The following USP26 variants were observed in gnomAD, a reference collection of about 807,000 sequenced individuals.
The protein encoded by USP26 is ubiquitin carboxyl-terminal hydrolase 26.
For missense variants in USP26, 649 were observed against 642.3 expected, an observed-to-expected ratio of 1.01 and a Z score of -0.11; for synonymous variants, 236 against 240.6, an observed-to-expected ratio of 0.98 and a Z score of 0.18.
intron 5 of USP26, among the ~76,000 whole-genome samples, chrX:133,032,208 A>AAACC (rs2067379920): frequency 1.8e-5 from 2 of 111,340 alleles, no homozygotes; most frequent in Non-Finnish European, 3.8e-5. Flanking sequence ...CCAAACAAAC[A>AAACC]AACAAAAACC....
chrX:133,063,386 A>T (rs899698003), intron 5 of USP26, among the ~76,000 whole-genome samples: 1 of 111,271 alleles, frequency 9.0e-6, no homozygotes, highest in Non-Finnish European at 1.9e-5. Flanking sequence ...GAACACCACT[A>T]AGATATTCCT....
chrX:133,079,391 G>A (rs1283209516), intron 5 of USP26, among the ~76,000 whole-genome samples: 5 of 112,027 alleles, frequency 4.5e-5, no homozygotes, highest in East Asian at 2.8e-4. Context: ...TTAAGGAAAC[G>A]AAAGTTCAGA....
chrX:133,033,627 T>C (rs1242141377), intron 5 of USP26, among the ~76,000 whole-genome samples: 2 of 112,778 alleles, frequency 1.8e-5, no homozygotes, highest in African/African-American at 3.2e-5. Flanking sequence ...AGAAAGCATG[T>C]ATTTGTTACA....
intron 5 of USP26, among the ~76,000 whole-genome samples, chrX:133,046,638 A>T (rs2067441551): frequency 9.0e-6 from 1 of 110,773 alleles, no homozygotes; most frequent in South Asian, 3.9e-4. Context: ...GAGACGAGAG[A>T]GAGAGAGAGA....
chrX:133,048,322 T>C (rs923216586), intron 5 of USP26, among the ~76,000 whole-genome samples: 12 of 112,121 alleles, frequency 1.1e-4, no homozygotes, highest in Admixed American at 4.7e-4. Flanking sequence ...TTGGTTTGGA[T>C]ATGACATGCA....
At chrX:133,044,975 G>A (rs896565435) in intron 5 of USP26, among the ~76,000 whole-genome samples, 1 of 90,445 alleles carries the variant, frequency 1.1e-5, no homozygotes, top group East Asian at 3.5e-4. Flanking sequence ...ATCTGGTGGG[G>A]ACTTGGAGAA....
chrX:133,059,315 G>A lies in USP26; in HGVS notation c.-77+24392C>T, dbSNP rs143551622. 4.0e-3 allele frequency among the ~76,000 whole-genome samples: 450 copies of A among 111,405 alleles called. 2 individuals are homozygous for A. The highest frequency in any genetic ancestry group is 6.2e-3 in the Non-Finnish European group (329 of 53,120). On this transcript the variant is annotated intron_variant, in intron 5 of 5. Coordinates refer to ENST00000511190, the MANE Select transcript of USP26 (RefSeq NM_031907.3). ...ATGATAACACACATAGCAGTTAAGA[G>A]CAACTGCTCTATTGTTCCAATGCCT...
chrX:133,087,052 A>G (rs2148537812), intron 4 of USP26, among the ~76,000 whole-genome samples: 1 of 111,377 alleles, frequency 9.0e-6, no homozygotes, highest in Admixed American at 9.6e-5. Context: ...AAAGGTATAG[A>G]TAGCTCACCT....
Position 133,027,905 on chromosome X carries a change from C to A in USP26, c.316G>T (p.Val106Phe), listed in dbSNP as rs147700254. Residue 106 changes from valine to phenylalanine, a missense_variant, in exon 6 of 6, where the codon GTT becomes TTT. By Grantham distance (50) the Val-to-Phe change is conservative. Coordinates refer to ENST00000511190, the MANE Select transcript of USP26 (RefSeq NM_031907.3). Reference sequence around the variant, plus strand: ...TTACCAGGTCTCACAGGTGGCTGAACCTCGTTTTGATGAACTCTGTCCAAG... The same window carrying A: ...TTACCAGGTCTCACAGGTGGCTGAAACTCGTTTTGATGAACTCTGTCCAAG... Reference protein sequence around the residue: ...IFLDRVHQNEVQPPVRPGKGG... With the variant: ...IFLDRVHQNEFQPPVRPGKGG... 109 of 1,208,889 alleles carry A rather than the reference C, an allele frequency of 9.0e-5. No homozygotes were observed. Among genetic ancestry groups the A allele is most frequent in the Middle Eastern group, 2.3e-4 (1 of 4,364 alleles).
chrX:133,027,466 A>G lies in USP26; in HGVS notation c.755T>C (p.Ile252Thr), dbSNP rs772446121. 7 of 1,208,468 alleles carry G rather than the reference A, an allele frequency of 5.8e-6. No individual in the cohort carries two copies. The South Asian group carries it at 7.0e-5, about 12-fold the overall frequency. Reference protein sequence around the residue: ...NATGNPYLDDIGLLQALTEKM... With the variant: ...NATGNPYLDDTGLLQALTEKM... The stretch of plus-strand genomic sequence containing the variant: ...CTCAGTGAGAGCTTGGAGAAGACCA[A>G]TGTCATCTAGGTAAGGATTTCCAGT... The change falls in exon 6 of 6, where the codon ATT becomes ACT. Residue 252 changes from isoleucine (I) to threonine (T), a missense_variant. Ile to Thr is a moderately conservative substitution (Grantham distance 89). Transcript: ENST00000511190.
At chrX:133,083,151 G>A (rs1410558347) in intron 5 of USP26, among the ~76,000 whole-genome samples, 1 of 111,780 alleles carries the variant, frequency 8.9e-6, no homozygotes, top group African/African-American at 3.3e-5. Context: ...AGACTCAGAT[G>A]GGAAACAAGT....
At chrX:133,093,240 T>C (rs1289021902) in intron 1 of USP26, among the ~76,000 whole-genome samples, 4 of 111,079 alleles carry the variant, frequency 3.6e-5, no homozygotes, top group Non-Finnish European at 7.6e-5. Flanking sequence ...TGAGCTAAGA[T>C]TACTGCCACT....
At chrX:133,055,387 C>T (rs1405910870) in intron 5 of USP26, among the ~76,000 whole-genome samples, 1 of 111,421 alleles carries the variant, frequency 9.0e-6, no homozygotes, top group Admixed American at 9.6e-5. Flanking sequence ...GGAATGCAAA[C>T]CCCCATTGGC....
At chrX:133,066,010 A>G (rs1483782808) in intron 5 of USP26, among the ~76,000 whole-genome samples, 1 of 112,032 alleles carries the variant, frequency 8.9e-6, no homozygotes, top group Non-Finnish European at 1.9e-5. Context: ...TTAAGCTAAT[A>G]AACAACTTCA....
intron 4 of USP26, among the ~76,000 whole-genome samples, chrX:133,084,221 TTTAG>T (rs2067580261): frequency 8.9e-6 from 1 of 111,899 alleles, no homozygotes; most frequent in Non-Finnish European, 1.9e-5. Flanking sequence ...TATTTATTTA[TTTAG>T]TGTCACTCTG....
At chrX:133,072,135 A>G (rs534196342) in intron 5 of USP26, among the ~76,000 whole-genome samples, 2 of 112,174 alleles carry the variant, frequency 1.8e-5, no homozygotes, top group African/African-American at 6.5e-5. Flanking sequence ...GCAAAGGCCT[A>G]TTTTTCCAAG....
At chrX:133,081,312 A>G (rs1402323368) in intron 5 of USP26, among the ~76,000 whole-genome samples, 1 of 32,616 alleles carries the variant, frequency 3.1e-5, no homozygotes, top group African/African-American at 2.7e-4. Context: ...TCTCATGTAT[A>G]AAGAGCACTC....
Position 133,024,755 on chromosome X carries a change from G to A in USP26, c.*724C>T, listed in dbSNP as rs969026496. 1 of 111,398 alleles carries A rather than the reference G, an allele frequency of 9.0e-6. No individual in the cohort carries two copies. The highest frequency in any genetic ancestry group is 1.9e-5 in the Non-Finnish European group (1 of 53,133). 9.2% of individuals were successfully genotyped at this position (111,398 alleles called of 1,213,427 possible). A position where few individuals can be genotyped will look rare whatever the true frequency, so the allele number is the denominator to read the frequency against. On this transcript the variant is annotated 3_prime_UTR_variant, in exon 6 of 6. Transcript: ENST00000511190. ...AATTTAAATATACAACCAAGGTAGT[G>A]TATGTAGTACAGTAGTGGTTCTCAA... is the stretch of plus-strand genomic sequence containing the variant.
At chrX:133,036,041 C>T (rs1482405461) in intron 5 of USP26, among the ~76,000 whole-genome samples, 1 of 110,500 alleles carries the variant, frequency 9.0e-6, no homozygotes, top group African/African-American at 3.3e-5. Context: ...TGCTTGAACC[C>T]AGGAGGTGGA....
Sources: allele counts gnomAD v4.1 joint callset (sites outside exome capture counted in the v4.1 genomes callset), GRCh38; gene constraint gnomAD v4.1.1; transcripts MANE v1.5; gene names NCBI Gene and HGNC (gene_info 2026-07-23, HGNC 2026-07-21).